Variants in CFAP47 observed in about 807,000 individuals in gnomAD.
CFAP47 encodes the protein cilia- and flagella-associated protein 47.
In CFAP47, 29 loss-of-function variants were observed where a neutral mutation model predicts 148.1. The ratio of observed to expected loss-of-function variants is 0.20; its 90% CI spans 0.15 to 0.27. CFAP47 has a LOEUF of 0.27. Ranked by LOEUF, CFAP47 falls within the 10% of genes least tolerant of loss-of-function variation. The pLI is 1.00. For synonymous variants in CFAP47, 664 were observed against 577.3 expected (o/e 1.15, Z -2.15); for missense variants, 1,872 against 1,697.5 (o/e 1.10, Z -1.81).
intron 2 of CFAP47, among the ~76,000 whole-genome samples, chrX:35,936,746 A>T (rs6632408): frequency 0.19 from 20,454 of 109,479 alleles, 1,590 homozygotes; most frequent in African/African-American, 0.28. Context: ...AGTATGTTTG[A>T]GGTATTATTT....
rs1220595708 is a variant in CFAP47, at chrX:35,989,331, C to T, written c.2726C>T (p.Ala909Val). ...ACATTTTCCGTAGGCACTGTTGAAG[C>T]ATATTCCTCACTGGAATGTGAAGTA... The part of the protein sequence containing the change: ...SICPAKGTVE[A>V]YSSLECEVTW... The change falls in exon 16 of 64, where the codon GCA (alanine) becomes GTA (valine). Residue 909 changes from alanine (A) to valine (V), a missense_variant. Ala to Val is a moderately conservative substitution (Grantham distance 64, BLOSUM62 0). Coordinates refer to ENST00000378653, the MANE Select transcript of CFAP47 (RefSeq NM_001304548.2). 8.3e-7 allele frequency: 1 copy of T among 1,201,711 alleles called. No individual in the cohort carries two copies. Among genetic ancestry groups the T allele is most frequent in the African/African-American group, 1.7e-5 (1 of 57,235 alleles).
Position 36,377,678 on chromosome X carries a change from A to G in CFAP47, c.9186-1672A>G, listed in dbSNP as rs1464777061. Among the ~76,000 whole-genome samples, 3 of 111,676 alleles carry G rather than the reference A, an allele frequency of 2.7e-5. No individual in the cohort carries two copies. In the East Asian group the frequency reaches 8.5e-4, roughly 32 times the overall value. On this transcript the variant is annotated intron_variant, in intron 62 of 63. Transcript: ENST00000378653. ...CTGGGAGTTCCTGTTCTGCCATTTT[A>G]TTGATGTAATTCCCTTAGGTGCCCT...
chrX:36,353,729 A>G (rs1556017934), intron 60 of CFAP47, 48 bp downstream of exon 60: 2 of 992,492 alleles, frequency 2.0e-6, no homozygotes, highest in East Asian at 6.8e-5. Context: ...AAAGAAACTT[A>G]GTTTCCATGA....
intron 49 of CFAP47, among the ~76,000 whole-genome samples, chrX:36,271,976 G>A (rs1283103136): frequency 9.0e-6 from 1 of 111,675 alleles, no homozygotes; most frequent in Non-Finnish European, 1.9e-5. Flanking sequence ...TCCTGTTTGA[G>A]TCCTAATTCA....
At chrX:36,352,564 T>C (rs1334269382) in intron 59 of CFAP47, among the ~76,000 whole-genome samples, 1 of 110,830 alleles carries the variant, frequency 9.0e-6, no homozygotes, top group South Asian at 3.7e-4. Context: ...CAAGCTTTTT[T>C]ATATTATGAT....
intron 21 of CFAP47, among the ~76,000 whole-genome samples, chrX:36,003,490 T>C (rs1936940110): frequency 9.1e-6 from 1 of 110,273 alleles, no homozygotes; most frequent in Admixed American, 9.7e-5. Context: ...TCTCCACTTC[T>C]ATTTTGGCAG....
intron 33 of CFAP47, among the ~76,000 whole-genome samples, chrX:36,119,509 G>C (rs911968330): frequency 2.7e-5 from 3 of 111,165 alleles, no homozygotes; most frequent in Non-Finnish European, 5.7e-5. Context: ...AGATTTATTG[G>C]CCTGTAGTTT....
chrX:36,072,052 T>G (rs1937765272), intron 28 of CFAP47, 81 bp downstream of exon 28: 1 of 752,654 alleles, frequency 1.3e-6, no homozygotes, highest in South Asian at 3.6e-5. Flanking sequence ...TAAGGTTAGG[T>G]TTTTACAAAT....
intron 42 of CFAP47, among the ~76,000 whole-genome samples, chrX:36,193,532 C>T (rs1939887502): frequency 9.0e-6 from 1 of 110,923 alleles, no homozygotes; most frequent in African/African-American, 3.3e-5. Flanking sequence ...TAACTACACA[C>T]CTCCCTACAG....
chrX:36,005,911 C>G (rs7059130), intron 21 of CFAP47, among the ~76,000 whole-genome samples: 16,539 of 110,129 alleles, frequency 0.15, 1,259 homozygotes, highest in East Asian at 0.3. Context: ...GACATACACA[C>G]ACACATACAC....
chrX:35,963,360 T>C (rs893644560), intron 8 of CFAP47, among the ~76,000 whole-genome samples: 5 of 111,415 alleles, frequency 4.5e-5, no homozygotes, highest in African/African-American at 1.6e-4. Context: ...CAAAATTACA[T>C]ATTAAATACT....
chrX:35,949,140 AGTGTGTGTGTGT>A lies in CFAP47; in HGVS notation c.656+711_656+722del, dbSNP rs201452327. On this transcript the variant is annotated intron_variant, in intron 4 of 63. Coordinates refer to ENST00000378653, the MANE Select transcript of CFAP47 (RefSeq NM_001304548.2). ...TAAAAATATCAGAATGCATCTGTGG[AGTGTGTGTGTGT>A]GTGTGTGTGTGTGTGTGTGTGTTCC... 5.5e-3 allele frequency among the ~76,000 whole-genome samples: 474 copies of A among 86,969 alleles called. 1 individual carries two copies. Among genetic ancestry groups the A allele is most frequent in the African/African-American group, 0.019 (457 of 24,629 alleles). The allele number at this position is 86,969 out of a possible 115,157, so 75.5% of individuals were successfully genotyped here. A position where few individuals can be genotyped will look rare whatever the true frequency, so the allele number is the denominator to read the frequency against.
At chrX:36,248,813 C>T (rs1190585956) in intron 48 of CFAP47, among the ~76,000 whole-genome samples, 1 of 110,315 alleles carries the variant, frequency 9.1e-6, no homozygotes, top group Admixed American at 9.8e-5. Flanking sequence ...AATTTAAAAG[C>T]GAGGTAATCA....
chrX:36,021,884 T>C (rs1937163606), intron 22 of CFAP47: 1 of 111,642 alleles, frequency 9.0e-6, no homozygotes, highest in South Asian at 3.8e-4. Flanking sequence ...ATGGTGTATA[T>C]GTGCCACATT....
intron 51 of CFAP47, among the ~76,000 whole-genome samples, chrX:36,295,064 T>A (rs1377478833): frequency 8.9e-6 from 1 of 112,113 alleles, no homozygotes; most frequent in South Asian, 3.7e-4. Context: ...ACAGCCATTA[T>A]GTTTGCCACA....
chrX:36,318,770 A>T (rs782372831), intron 56 of CFAP47, among the ~76,000 whole-genome samples: 8 of 109,903 alleles, frequency 7.3e-5, no homozygotes, highest in African/African-American at 2.7e-4. Context: ...GCTCAAATAG[A>T]CTCTTAATAT....
intron 36 of CFAP47, among the ~76,000 whole-genome samples, chrX:36,146,782 T>C (rs1166045261): frequency 4.9e-4 from 51 of 104,695 alleles, no homozygotes; most frequent in Admixed American, 2.0e-3. Flanking sequence ...TCTTTTCTTT[T>C]TTTTTTTTTT....
chrX:36,293,050 G>A (rs1381249398), intron 51 of CFAP47, among the ~76,000 whole-genome samples: 1 of 110,784 alleles, frequency 9.0e-6, no homozygotes, highest in Non-Finnish European at 1.9e-5. Context: ...TATTTACTGG[G>A]TATCTCTGAT....
chrX:36,293,435 CT>C (rs1270304592), intron 51 of CFAP47, among the ~76,000 whole-genome samples: 1 of 112,401 alleles, frequency 8.9e-6, no homozygotes, highest in Non-Finnish European at 1.9e-5. Flanking sequence ...GTGGCATACT[CT>C]GTGTTGTGAT....
Sources: allele counts gnomAD v4.1 joint callset (sites outside exome capture counted in the v4.1 genomes callset), GRCh38; gene constraint gnomAD v4.1.1; transcripts MANE v1.5; gene names NCBI Gene and HGNC (gene_info 2026-07-23, HGNC 2026-07-21).